SSH2: variants seen among roughly 807,000 people sequenced by gnomAD.
SSH2 encodes the protein protein phosphatase Slingshot homolog 2.
In SSH2, 37 loss-of-function variants were observed where a neutral mutation model predicts 135.2. The ratio of observed to expected loss-of-function variants is 0.27; its 90% confidence interval spans 0.21 to 0.36. The LOEUF is 0.36. Among genes scored for constraint, SSH2 ranks in the 10% least tolerant of loss-of-function variants. The pLI is 1.00. For synonymous variants in SSH2, 628 were observed against 646.2 expected, an observed-to-expected ratio of 0.97 and a Z score of 0.43; for missense variants, 1,408 against 1,765.3, an observed-to-expected ratio of 0.80 and a Z score of 3.63.
intron 3 of SSH2, among the ~76,000 whole-genome samples, chr17:29,728,776 G>C (rs185305768): frequency 6.6e-5 from 10 of 152,280 alleles, no homozygotes; most frequent in African/African-American, 1.2e-4. Flanking sequence ...TTTGACAAAA[G>C]TGTCAAGAAC....
At chr17:29,695,937 A>G (rs530454933) in intron 4 of SSH2, among the ~76,000 whole-genome samples, 1 of 152,238 alleles carries the variant, frequency 6.6e-6, no homozygotes, top group South Asian at 2.1e-4. Context: ...GGAATTATCC[A>G]TAACTTTTAA....
At chr17:29,710,941 C>T (rs1182014155) in intron 3 of SSH2, among the ~76,000 whole-genome samples, 4 of 152,158 alleles carry the variant, frequency 2.6e-5, no homozygotes, top group African/African-American at 9.7e-5. Context: ...CCCGCCCTAC[C>T]CCTGCAGCAT....
At chr17:29,708,388 G>A (rs2039293657) in intron 3 of SSH2, among the ~76,000 whole-genome samples, 1 of 151,986 alleles carries the variant, frequency 6.6e-6, no homozygotes, top group South Asian at 2.1e-4. Context: ...AGGAGTTCGA[G>A]ATCAGCCTGG....
chr17:29,743,260 A>AT (rs1245531877), intron 3 of SSH2, among the ~76,000 whole-genome samples: 6 of 152,184 alleles, frequency 3.9e-5, no homozygotes, highest in Admixed American at 1.3e-4. Flanking sequence ...TTTACTGTAT[A>AT]TAATGGTAGA....
In SSH2 at chr17:29,632,448, T is replaced by C. The variant is rs1335270282; in HGVS notation, c.2746A>G (p.Thr916Ala). 1 of 1,614,192 alleles carries C rather than the reference T, an allele frequency of 6.2e-7. No homozygotes were observed. Among genetic ancestry groups the C allele is most frequent in the South Asian group, 1.1e-5 (1 of 91,086 alleles). ...TTACGAGTGGACAATGAGGTACATGTTGGGGCAGCACCATGATGCTCTTGC... is the reference window on the plus strand; with the variant it reads ...TTACGAGTGGACAATGAGGTACATGCTGGGGCAGCACCATGATGCTCTTGC... ...QEQEHHGAAP[T>A]CTSLSTRKNS... The change falls in exon 16 of 16, where the codon ACA (threonine) becomes GCA (alanine). Residue 916 changes from threonine to alanine, a missense_variant. Coordinates refer to ENST00000540801, the MANE Select transcript of SSH2 (RefSeq NM_001282129.2).
Position 29,630,140 on chromosome 17 carries a change from C to T in SSH2, c.*701G>A, listed in dbSNP as rs1022716071. 6.6e-6 allele frequency: 1 copy of T among 152,312 alleles called. No individual in the cohort carries two copies. The highest frequency in any genetic ancestry group is 6.5e-5 in the Admixed American group (1 of 15,300). 9.4% of individuals were successfully genotyped at this position (152,312 alleles called of 1,614,324 possible). On this transcript the variant is annotated 3_prime_UTR_variant, in exon 16 of 16. Transcript: ENST00000540801. The stretch of plus-strand genomic sequence containing the variant: ...GTCTTCCTCCTCTTATCATGCTTTC[C>T]TCTACAGAAGACCACTTGGATTTCA...
At position 29,646,334 on chromosome 17, in the gene SSH2, A is replaced by G. The variant is rs1326664067; in HGVS notation, c.1427+1810T>C. Among the ~76,000 whole-genome samples the G allele has an allele frequency of 2.0e-5, 3 of 152,304 alleles. No individual in the cohort carries two copies. The East Asian group carries it at 5.8e-4, about 29-fold the overall frequency. On this transcript the variant is annotated intron_variant, in intron 14 of 15. Coordinates refer to ENST00000540801, the MANE Select transcript of SSH2 (RefSeq NM_001282129.2). ...ACATTCAAGACCTGGTACTGAGTGG[A>G]GAGGTAGACTACAGAACAGTTTTTG...
At chr17:29,900,625 A>G (rs908444901) in intron 1 of SSH2, among the ~76,000 whole-genome samples, 1 of 152,172 alleles carries the variant, frequency 6.6e-6, no homozygotes, top group Non-Finnish European at 1.5e-5. Context: ...AAAGTCAGGA[A>G]ACAACAGGTG....
chr17:29,886,476 G>A (rs183824497), intron 1 of SSH2, among the ~76,000 whole-genome samples: 32 of 152,180 alleles, frequency 2.1e-4, no homozygotes, highest in Middle Eastern at 3.4e-3. Flanking sequence ...GCCGGGTGTC[G>A]TGGCTCACAC....
chr17:29,661,807 C>T (rs537919731), intron 11 of SSH2, among the ~76,000 whole-genome samples: 1 of 152,274 alleles, frequency 6.6e-6, no homozygotes, highest in African/African-American at 2.4e-5. Flanking sequence ...AGAGAGAGTT[C>T]AACCTGACAA....
At chr17:29,824,648 C>G (rs572453735) in intron 2 of SSH2, among the ~76,000 whole-genome samples, 1 of 152,216 alleles carries the variant, frequency 6.6e-6, no homozygotes, top group South Asian at 2.1e-4. Context: ...TGGATACCTA[C>G]CAACCTGAAC....
At chr17:29,646,579 A>G (rs535558221) in intron 14 of SSH2, among the ~76,000 whole-genome samples, 37 of 152,260 alleles carry the variant, frequency 2.4e-4, no homozygotes, top group African/African-American at 8.9e-4. Flanking sequence ...AACTCACTGC[A>G]ACCTCCGTCT....
chr17:29,658,904 G>T lies in SSH2; in HGVS notation c.1033-3297C>A, dbSNP rs144300350. Among the ~76,000 whole-genome samples, 594 of 148,392 alleles carry T rather than the reference G, an allele frequency of 4.0e-3. 5 individuals are homozygous for T. Among genetic ancestry groups the T allele is most frequent in the African/African-American group, 0.014 (553 of 39,918 alleles). On this transcript the variant is annotated intron_variant, in intron 11 of 15. Coordinates refer to ENST00000540801, the MANE Select transcript of SSH2 (RefSeq NM_001282129.2). ...AAAAAAAAAAAAAAGTAAACTAAGAGGTCTCACTCTCACTCCTATCTCTTT... is the reference window on the plus strand; with the variant it reads ...AAAAAAAAAAAAAAGTAAACTAAGATGTCTCACTCTCACTCCTATCTCTTT...
intron 1 of SSH2, among the ~76,000 whole-genome samples, chr17:29,916,164 T>G (rs2066878663): frequency 6.6e-6 from 1 of 152,134 alleles, no homozygotes; most frequent in African/African-American, 2.4e-5. Flanking sequence ...ATGAAAAAAT[T>G]GCTTAATAAC....
chr17:29,656,203 G>A (rs772231353), intron 11 of SSH2, among the ~76,000 whole-genome samples: 19 of 152,066 alleles, frequency 1.2e-4, no homozygotes, highest in Non-Finnish European at 1.9e-4. Context: ...CTGAGACAGC[G>A]TCTTGCTCCA....
Position 29,666,859 on chromosome 17 carries a change from A to C in SSH2, c.1032+8T>G. On this transcript the variant is annotated splice_region_variant and intron_variant, in intron 11 of 15. Coordinates refer to ENST00000540801, the MANE Select transcript of SSH2 (RefSeq NM_001282129.2). ...TAGCACACCACTTAAAGTGGCTTTA[A>C]AACTTACCAGGAACACATGCTCAAA... The C allele has an allele frequency of 6.2e-7, 1 of 1,614,008 alleles. No homozygotes were observed. The highest frequency in any genetic ancestry group is 8.5e-7 in the Non-Finnish European group (1 of 1,179,948).
chr17:29,744,958 T>C (rs966170825), intron 3 of SSH2, among the ~76,000 whole-genome samples: 7 of 152,040 alleles, frequency 4.6e-5, no homozygotes, highest in African/African-American at 1.7e-4. Flanking sequence ...TCTGTTCTTG[T>C]GTTGCCTGTG....
intron 2 of SSH2, among the ~76,000 whole-genome samples, chr17:29,848,564 CTT>C (rs1168583273): frequency 2.0e-5 from 3 of 152,110 alleles, no homozygotes; most frequent in East Asian, 3.8e-4. Flanking sequence ...GAGTCACACT[CTT>C]TATTGAAGGA....
intron 1 of SSH2, among the ~76,000 whole-genome samples, chr17:29,916,121 A>T (rs925004205): frequency 4.0e-5 from 6 of 151,820 alleles, no homozygotes; most frequent in African/African-American, 1.5e-4. Flanking sequence ...ACATTGTCAT[A>T]AAAAAAATAA....
Sources: allele counts gnomAD v4.1 joint callset (sites outside exome capture counted in the v4.1 genomes callset), GRCh38; gene constraint gnomAD v4.1.1; transcripts MANE v1.5; gene names NCBI Gene and HGNC (gene_info 2026-07-23, HGNC 2026-07-21).